Variants in ROBO2 observed in about 807,000 individuals in gnomAD.
ROBO2 encodes the protein roundabout homolog 2.
A neutral mutation model predicts 160.8 loss-of-function variants in ROBO2; 53 were observed. The observed-to-expected ratio is 0.33, with a 90% confidence interval of 0.26 to 0.41. The LOEUF is 0.41. ROBO2 is among the 10% of genes least tolerant of loss of function. The pLI is 1.00. For missense variants in ROBO2, 1,577 were observed against 1,722.4 expected, an observed-to-expected ratio of 0.92 and a Z score of 1.49; for synonymous variants, 664 against 611.7, an observed-to-expected ratio of 1.09 and a Z score of -1.26.
chr3:76,553,591 A>C (rs1209346369), intron 2 of ROBO2, among the ~76,000 whole-genome samples: 4 of 152,200 alleles, frequency 2.6e-5, no homozygotes. Context: ...GTGAAATGAA[A>C]ATGTTAAAAT....
At chr3:77,349,495 G>C (rs184213022) in intron 2 of ROBO2, among the ~76,000 whole-genome samples, 1 of 152,124 alleles carries the variant, frequency 6.6e-6, no homozygotes, top group Admixed American at 6.6e-5. Flanking sequence ...CTATGAAATC[G>C]ACGTGTAATG....
intron 2 of ROBO2, among the ~76,000 whole-genome samples, chr3:76,918,826 T>C (rs1255086908): frequency 6.6e-6 from 1 of 152,148 alleles, no homozygotes; most frequent in Non-Finnish European, 1.5e-5. Context: ...CTCGCCAGCA[T>C]TGGTTGTTTC....
intron 2 of ROBO2, among the ~76,000 whole-genome samples, chr3:76,473,989 T>C (rs1400192948): frequency 6.6e-6 from 1 of 152,116 alleles, no homozygotes; most frequent in African/African-American, 2.4e-5. Context: ...AAGCATCTCA[T>C]GTGTAGTGTT....
chr3:76,649,631 A>T (rs988603300), intron 2 of ROBO2, among the ~76,000 whole-genome samples: 2 of 152,182 alleles, frequency 1.3e-5, no homozygotes, highest in Non-Finnish European at 2.9e-5. Context: ...AAATTTTTAT[A>T]TGGAGAGATG....
chr3:77,326,875 C>T (rs915720665), intron 2 of ROBO2, among the ~76,000 whole-genome samples: 1 of 152,170 alleles, frequency 6.6e-6, no homozygotes, highest in African/African-American at 2.4e-5. Context: ...GTTTTTCTTC[C>T]TTACTGCGTT....
At chr3:76,596,526 C>G (rs1020250108) in intron 2 of ROBO2, among the ~76,000 whole-genome samples, 1 of 152,086 alleles carries the variant, frequency 6.6e-6, no homozygotes. Context: ...CTTGAACTCT[C>G]TGAGCCCTAG....
chr3:76,915,666 G>A (rs1268917369), intron 2 of ROBO2, among the ~76,000 whole-genome samples: 7 of 116,518 alleles, frequency 6.0e-5, no homozygotes, highest in Admixed American at 1.9e-4. Context: ...TGAAACTCTC[G>A]CTCTCAAAAA....
intron 2 of ROBO2, among the ~76,000 whole-genome samples, chr3:76,843,723 A>G (rs2068515468): frequency 6.6e-6 from 1 of 151,466 alleles, no homozygotes; most frequent in Admixed American, 6.6e-5. Context: ...GCTCACCAGA[A>G]TTGCAGAATT....
chr3:76,117,584 T>A (rs78798795), intron 2 of ROBO2, among the ~76,000 whole-genome samples: 4,475 of 152,284 alleles, frequency 0.029, 93 homozygotes, highest in Non-Finnish European at 0.042. Flanking sequence ...CATCAGTTCT[T>A]ACTTCATGTG....
At chr3:77,634,601 A>T (rs375081516) in intron 23 of ROBO2, 6 of 446,386 alleles carry the variant, frequency 1.3e-5, no homozygotes, top group African/African-American at 7.9e-5. Context: ...TGCAATATTG[A>T]GTTGTGGATT....
intron 23 of ROBO2, chr3:77,629,378 A>AGATC (rs1304429137): frequency 2.0e-5 from 3 of 152,156 alleles, no homozygotes; most frequent in Non-Finnish European, 4.4e-5. Flanking sequence ...TCACTATGCT[A>AGATC]GATCCTCAGG....
chr3:77,407,857 A>G (rs2076379335), intron 2 of ROBO2, among the ~76,000 whole-genome samples: 1 of 152,250 alleles, frequency 6.6e-6, no homozygotes, highest in South Asian at 2.1e-4. Flanking sequence ...TTTAAAAAGT[A>G]AAACAAGACT....
At chr3:77,016,502 C>A (rs2062267929) in intron 2 of ROBO2, among the ~76,000 whole-genome samples, 1 of 152,090 alleles carries the variant, frequency 6.6e-6, no homozygotes, top group African/African-American at 2.4e-5. Context: ...CTTTGTAAAT[C>A]CAGCTTTTGG....
intron 2 of ROBO2, among the ~76,000 whole-genome samples, chr3:76,736,481 C>A (rs1301273169): frequency 1.3e-5 from 2 of 151,950 alleles, no homozygotes; most frequent in Non-Finnish European, 2.9e-5. Context: ...TTCAAGGAGG[C>A]AAATTCACAC....
chr3:77,590,983 C>G (rs1420546135), intron 17 of ROBO2, among the ~76,000 whole-genome samples: 1 of 151,952 alleles, frequency 6.6e-6, no homozygotes, highest in Non-Finnish European at 1.5e-5. Context: ...TAAGGCCAAG[C>G]CAGAGAGAAG....
chr3:76,558,446 GA>G (rs2083945675), intron 2 of ROBO2, among the ~76,000 whole-genome samples: 1 of 151,970 alleles, frequency 6.6e-6, no homozygotes, highest in Admixed American at 6.6e-5. Flanking sequence ...TCCCAGTTTT[GA>G]ATATTTTATA....
intron 6 of ROBO2, among the ~76,000 whole-genome samples, chr3:77,532,778 A>G (rs892021559): frequency 2.0e-5 from 3 of 151,168 alleles, no homozygotes; most frequent in Non-Finnish European, 3.0e-5. Flanking sequence ...CTTTATCTTT[A>G]CTTGTCTTTT....
At chr3:76,185,535 G>A (rs41479444) in intron 2 of ROBO2, among the ~76,000 whole-genome samples, 10,513 of 151,828 alleles carry the variant, frequency 0.069, 524 homozygotes, top group East Asian at 0.22. Flanking sequence ...GGAGAAAACC[G>A]TTGTGAGAAC....
chr3:76,052,286 T>C (rs1412643556), intron 2 of ROBO2, among the ~76,000 whole-genome samples: 1 of 152,046 alleles, frequency 6.6e-6, no homozygotes, highest in East Asian at 1.9e-4. Flanking sequence ...CCCTGGAAAT[T>C]GCAACATTTA....
Sources: gnomAD v4.1 joint callset for allele counts (sites outside exome capture counted in the v4.1 genomes callset) on GRCh38, gnomAD v4.1.1 for gene constraint, MANE v1.5 for transcripts, NCBI Gene and HGNC (gene_info 2026-07-23, HGNC 2026-07-21) for gene names.